Variants in CDH12 observed in about 807,000 individuals in gnomAD.
The protein encoded by CDH12 is cadherin 12.
CDH12 carries 41 observed loss-of-function variants against 74.1 expected under a neutral mutation model. The observed-to-expected ratio is 0.55, with a 90% CI of 0.43 to 0.72. The LOEUF is 0.72. CDH12 is among the 30% of genes least tolerant of loss of function. The pLI, the probability that CDH12 is intolerant of heterozygous loss-of-function variation, is 0.00. For missense variants in CDH12, 945 were observed against 977.2 expected, an observed-to-expected ratio of 0.97 and a Z score of 0.44; for synonymous variants, 399 against 355.0, an observed-to-expected ratio of 1.12 and a Z score of -1.39.
chr5:22,095,116 T>C (rs1743675672), intron 4 of CDH12, among the ~76,000 whole-genome samples: 1 of 152,144 alleles, frequency 6.6e-6, no homozygotes, highest in South Asian at 2.1e-4. Context: ...CAATCCCCTG[T>C]CCTCCTGCTC....
chr5:22,754,960 T>G (rs959082364), intron 1 of CDH12, among the ~76,000 whole-genome samples: 55 of 152,256 alleles, frequency 3.6e-4, no homozygotes, highest in African/African-American at 1.3e-3. Flanking sequence ...AATTAAAATT[T>G]TATGCATTTC....
intron 3 of CDH12, among the ~76,000 whole-genome samples, chr5:22,374,157 T>C (rs1741419360): frequency 6.6e-6 from 1 of 151,818 alleles, no homozygotes; most frequent in African/African-American, 2.4e-5. Context: ...TGGTTCACAA[T>C]ATACAAATCA....
chr5:22,533,075 ACC>A (rs1737665895), intron 1 of CDH12, among the ~76,000 whole-genome samples: 1 of 152,030 alleles, frequency 6.6e-6, no homozygotes, highest in Non-Finnish European at 1.5e-5. Flanking sequence ...CAGGTATTGC[ACC>A]CTGTCTTTGT....
intron 4 of CDH12, among the ~76,000 whole-genome samples, chr5:22,107,480 G>GTATATATACACATATAATTATTA (rs1561118507): frequency 4.8e-5 from 7 of 146,272 alleles, no homozygotes; most frequent in East Asian, 2.0e-4. Context: ...ATATACATAC[G>GTATATATACACATATAATTATTA]TATGTATATA....
chr5:22,548,647 G>A (rs1047190387), intron 1 of CDH12, among the ~76,000 whole-genome samples: 1 of 151,970 alleles, frequency 6.6e-6, no homozygotes, highest in African/African-American at 2.4e-5. Context: ...GAGAATCGGT[G>A]CCTCTTGTGT....
At position 22,405,154 on chromosome 5, in the gene CDH12, G is replaced by A. The variant is rs564262336; in HGVS notation, c.-333+103C>T. 4.2e-5 allele frequency: 8 copies of A among 189,200 alleles called. 1 individual carries two copies. The East Asian group carries it at 1.5e-3, about 35-fold the overall frequency. 11.7% of individuals were successfully genotyped at this position (189,200 alleles called of 1,614,324 possible). A position where few individuals can be genotyped will look rare whatever the true frequency, so the allele number is the denominator to read the frequency against. Reference sequence around the variant, plus strand: ...GAACCTAGGAGGTGGAGGCTGCAGTGAGCCGAGATGGTGCCACTTCACTCC... The same window carrying A: ...GAACCTAGGAGGTGGAGGCTGCAGTAAGCCGAGATGGTGCCACTTCACTCC... On this transcript the variant is annotated intron_variant, in intron 3 of 14. Coordinates refer to ENST00000382254, the MANE Select transcript of CDH12 (RefSeq NM_004061.5).
chr5:22,462,996 A>G (rs1455741691), intron 2 of CDH12, among the ~76,000 whole-genome samples: 1 of 152,224 alleles, frequency 6.6e-6, no homozygotes, highest in African/African-American at 2.4e-5. Flanking sequence ...CATTAAGGAG[A>G]AAACACCTAT....
chr5:22,226,918 G>A (rs1312037721), intron 3 of CDH12, among the ~76,000 whole-genome samples: 1 of 151,714 alleles, frequency 6.6e-6, no homozygotes, highest in Non-Finnish European at 1.5e-5. Context: ...GTTATATGTT[G>A]CCTCAATATA....
rs147484281 is a variant in CDH12, at chr5:22,699,909, G to A, written c.-523+153149C>T. 1.2e-3 allele frequency among the ~76,000 whole-genome samples: 175 copies of A among 152,158 alleles called. 1 individual carries two copies. Among genetic ancestry groups the A allele is most frequent in the Admixed American group, 3.1e-3 (48 of 15,286 alleles). On this transcript the variant is annotated intron_variant, in intron 1 of 14. Transcript: ENST00000382254. ...TGCATCCACAGCCAGGAACGATGGCGCACACCTGTAATCCCAGCACTTTGA... is the reference window on the plus strand; with the variant it reads ...TGCATCCACAGCCAGGAACGATGGCACACACCTGTAATCCCAGCACTTTGA...
chr5:22,158,523 G>T (rs189387798), intron 4 of CDH12, among the ~76,000 whole-genome samples: 1 of 152,112 alleles, frequency 6.6e-6, no homozygotes, highest in East Asian at 1.9e-4. Context: ...CATAATGAAA[G>T]ATTAATTTCC....
chr5:22,280,030 C>T (rs1476413850), intron 3 of CDH12, among the ~76,000 whole-genome samples: 4 of 152,180 alleles, frequency 2.6e-5, no homozygotes, highest in Non-Finnish European at 4.4e-5. Flanking sequence ...ACATCCTCTC[C>T]AGCACCTGTT....
chr5:22,382,628 C>T (rs2126388425), intron 3 of CDH12, among the ~76,000 whole-genome samples: 1 of 152,176 alleles, frequency 6.6e-6, no homozygotes, highest in Non-Finnish European at 1.5e-5. Flanking sequence ...TAATAAAACA[C>T]TTTATTGGTT....
intron 1 of CDH12, among the ~76,000 whole-genome samples, chr5:22,658,912 G>A (rs1027774265): frequency 6.6e-6 from 1 of 151,002 alleles, no homozygotes; most frequent in Non-Finnish European, 1.5e-5. Flanking sequence ...AAGGCTTATA[G>A]GGGGGGATGT....
intron 7 of CDH12, among the ~76,000 whole-genome samples, chr5:21,846,426 GTTC>G (rs10564807): frequency 0.74 from 112,436 of 151,534 alleles, 42,973 homozygotes; most frequent in Middle Eastern, 0.85. Flanking sequence ...GAACCTTGGG[GTTC>G]ATTATCCCAG....
At chr5:22,063,001 A>G (rs1368868638) in intron 5 of CDH12, among the ~76,000 whole-genome samples, 2 of 152,166 alleles carry the variant, frequency 1.3e-5, no homozygotes, top group Admixed American at 6.6e-5. Flanking sequence ...ACAATTGAAC[A>G]TATAAATACA....
chr5:22,474,317 T>C (rs1746083561), intron 2 of CDH12, among the ~76,000 whole-genome samples: 2 of 152,084 alleles, frequency 1.3e-5, no homozygotes, highest in African/African-American at 2.4e-5. Context: ...CCTGGACACA[T>C]GGACTGATGG....
chr5:22,799,718 T>A (rs531139880), intron 1 of CDH12, among the ~76,000 whole-genome samples: 1 of 152,188 alleles, frequency 6.6e-6, no homozygotes, highest in Non-Finnish European at 1.5e-5. Context: ...ATTCATTTAA[T>A]GAATACTTAT....
chr5:22,641,066 A>G (rs532269506), intron 1 of CDH12, among the ~76,000 whole-genome samples: 1 of 152,294 alleles, frequency 6.6e-6, no homozygotes, highest in East Asian at 1.9e-4. Context: ...CGATAGATAG[A>G]CACATACGTA....
chr5:22,672,330 G>A (rs1580872706), intron 1 of CDH12, among the ~76,000 whole-genome samples: 1 of 151,544 alleles, frequency 6.6e-6, no homozygotes, highest in Non-Finnish European at 1.5e-5. Flanking sequence ...TGGTTTGAAT[G>A]TGTCCTCCAG....
Sources: allele counts gnomAD v4.1 joint callset (sites outside exome capture counted in the v4.1 genomes callset), GRCh38; gene constraint gnomAD v4.1.1; transcripts MANE v1.5; gene names NCBI Gene and HGNC (gene_info 2026-07-23, HGNC 2026-07-21).